CDKAL1: variants seen among roughly 807,000 people sequenced by gnomAD.
CDKAL1 encodes the protein threonylcarbamoyladenosine tRNA methylthiotransferase.
A neutral mutation model predicts 68.2 loss-of-function variants in CDKAL1; 32 were observed. The observed-to-expected ratio is 0.47, with a 90% CI of 0.35 to 0.63. The LOEUF (loss-of-function observed/expected upper bound fraction) is 0.63. Ranked by LOEUF, CDKAL1 falls within the 30% of genes least tolerant of loss-of-function variation. The pLI is 0.00. For missense variants in CDKAL1, 606 were observed against 696.7 expected, an observed-to-expected ratio of 0.87 and a Z score of 1.47; for synonymous variants, 234 against 244.3, an observed-to-expected ratio of 0.96 and a Z score of 0.39.
intron 13 of CDKAL1, among the ~76,000 whole-genome samples, chr6:21,167,733 C>T (rs1777209586): frequency 1.3e-5 from 2 of 152,192 alleles, no homozygotes; most frequent in Non-Finnish European, 2.9e-5. Flanking sequence ...AGTACCTTGT[C>T]TAAGACATTC....
intron 9 of CDKAL1, among the ~76,000 whole-genome samples, chr6:20,899,718 C>T (rs1761871514): frequency 1.3e-5 from 2 of 152,106 alleles, no homozygotes; most frequent in Non-Finnish European, 2.9e-5. Flanking sequence ...TGGCCCATGC[C>T]TATAATCCCA....
intron 5 of CDKAL1, among the ~76,000 whole-genome samples, chr6:20,710,639 A>G (rs1479802470): frequency 6.6e-6 from 1 of 152,236 alleles, no homozygotes; most frequent in African/African-American, 2.4e-5. Context: ...TTATTTAAAT[A>G]AAATGAAATC....
At chr6:20,901,630 G>A (rs1306954091) in intron 9 of CDKAL1, among the ~76,000 whole-genome samples, 5 of 136,880 alleles carry the variant, frequency 3.7e-5, no homozygotes, top group East Asian at 4.7e-4. Flanking sequence ...GCAGTGAGCC[G>A]AGATTGCGCC....
intron 5 of CDKAL1, among the ~76,000 whole-genome samples, chr6:20,734,155 A>G (rs1773081342): frequency 6.6e-6 from 1 of 151,754 alleles, no homozygotes; most frequent in Non-Finnish European, 1.5e-5. Context: ...TCTTGAAAAA[A>G]AAAAAAAAAA....
In CDKAL1 at chr6:20,714,378, C is replaced by CTT. The variant is rs545162371; in HGVS notation, c.372-25114_372-25113dup. 1.5e-3 allele frequency among the ~76,000 whole-genome samples: 112 copies of CTT among 72,738 alleles called. 10 individuals carry two copies. Among genetic ancestry groups the CTT allele is most frequent in the Non-Finnish European group, 1.8e-3 (63 of 34,778 alleles). The allele number at this position is 72,738 out of a possible 152,430, so 47.7% of individuals were successfully genotyped here. A position where few individuals can be genotyped will look rare whatever the true frequency, so the allele number is the denominator to read the frequency against. On this transcript the variant is annotated intron_variant, in intron 5 of 15. Coordinates refer to ENST00000274695, the MANE Select transcript of CDKAL1 (RefSeq NM_017774.3). ...AATATTAATGATACTATTGTCTGTT[C>CTT]TTTTTTTTTTTTTTTTTTTTTTTTT... is the stretch of plus-strand genomic sequence containing the variant.
At chr6:20,742,429 A>G (rs578259970) in intron 6 of CDKAL1, among the ~76,000 whole-genome samples, 5 of 150,044 alleles carry the variant, frequency 3.3e-5, no homozygotes, top group East Asian at 2.0e-4. Context: ...TTCTATCGCC[A>G]TAATGCATTT....
chr6:21,095,168 G>A (rs1384602372), intron 12 of CDKAL1, among the ~76,000 whole-genome samples: 15 of 152,216 alleles, frequency 9.9e-5, no homozygotes, highest in Non-Finnish European at 8.8e-5. Flanking sequence ...GCAGTATCCC[G>A]AGGCTGAGTG....
At chr6:21,125,193 T>C (rs1774936169) in intron 13 of CDKAL1, among the ~76,000 whole-genome samples, 2 of 152,220 alleles carry the variant, frequency 1.3e-5, no homozygotes, top group African/African-American at 2.4e-5. Flanking sequence ...TCCCCTGTGC[T>C]ATTCTCATGA....
At chr6:20,674,608 T>C (rs77303799) in intron 5 of CDKAL1, among the ~76,000 whole-genome samples, 14,082 of 152,230 alleles carry the variant, frequency 0.093, 2,093 homozygotes, top group African/African-American at 0.31. Context: ...TCCTCTCTTC[T>C]AGCTATTTTA....
chr6:21,116,544 G>A, intron 13 of CDKAL1, among the ~76,000 whole-genome samples: 1 of 152,128 alleles, frequency 6.6e-6, no homozygotes, highest in Non-Finnish European at 1.5e-5. Context: ...GAAGAGATAG[G>A]ATGCCATCCT....
At chr6:20,941,212 A>G (rs1347435981) in intron 9 of CDKAL1, among the ~76,000 whole-genome samples, 2 of 151,444 alleles carry the variant, frequency 1.3e-5, no homozygotes, top group Non-Finnish European at 2.9e-5. Context: ...AATGCATCTC[A>G]TGTTATTTAC....
At chr6:21,094,126 C>T in intron 12 of CDKAL1, among the ~76,000 whole-genome samples, 1 of 151,876 alleles carries the variant, frequency 6.6e-6, no homozygotes, top group East Asian at 1.9e-4. Context: ...ATCTGAATAG[C>T]ATGTGTATGA....
chr6:20,812,209 G>T (rs1007330812), intron 8 of CDKAL1, among the ~76,000 whole-genome samples: 1 of 152,150 alleles, frequency 6.6e-6, no homozygotes, highest in Non-Finnish European at 1.5e-5. Context: ...ATTAAAAAAT[G>T]AATTGGTTCT....
intron 9 of CDKAL1, among the ~76,000 whole-genome samples, chr6:20,863,034 A>T (rs1288293806): frequency 6.6e-6 from 1 of 152,214 alleles, no homozygotes; most frequent in Non-Finnish European, 1.5e-5. Flanking sequence ...TTCAATAAAA[A>T]AAAGAAGAGG....
chr6:20,992,146 G>A (rs1351519321), intron 10 of CDKAL1, among the ~76,000 whole-genome samples: 1 of 146,288 alleles, frequency 6.8e-6, no homozygotes, highest in Non-Finnish European at 1.5e-5. Flanking sequence ...TTGTGCCTCA[G>A]CCTCCTAAAT....
chr6:21,229,618 T>TTCCTG (rs905177328), intron 15 of CDKAL1, among the ~76,000 whole-genome samples: 1 of 152,170 alleles, frequency 6.6e-6, no homozygotes, highest in Non-Finnish European at 1.5e-5. Context: ...TTCTGTGGAT[T>TTCCTG]TCCTGTCCTG....
In CDKAL1 at chr6:20,931,726, CATTA is replaced by C. The variant is rs537535955; in HGVS notation, c.743-23689_743-23686del. 1.2e-3 allele frequency among the ~76,000 whole-genome samples: 182 copies of C among 152,238 alleles called. 1 individual carries two copies. Among genetic ancestry groups the C allele is most frequent in the African/African-American group, 4.0e-3 (168 of 41,546 alleles). ...TCATGCCTTTCCTTCCTTTAGCAAA[CATTA>C]ATTGAGAACTTATTATGTGCTGTAG... On this transcript the variant is annotated intron_variant, in intron 9 of 15. Transcript: ENST00000274695.
At chr6:20,818,506 C>A (rs1474294276) in intron 8 of CDKAL1, among the ~76,000 whole-genome samples, 1 of 151,810 alleles carries the variant, frequency 6.6e-6, no homozygotes, top group Non-Finnish European at 1.5e-5. Context: ...TCAATTACTT[C>A]AAAAATAAAT....
Position 20,794,902 on chromosome 6 carries a change from T to C in CDKAL1, c.638+13637T>C, listed in dbSNP as rs541206019. 5.9e-5 allele frequency among the ~76,000 whole-genome samples: 9 copies of C among 152,240 alleles called. No homozygotes were observed. The South Asian group carries it at 6.2e-4, about 11-fold the overall frequency. On this transcript the variant is annotated intron_variant, in intron 8 of 15. Transcript: ENST00000274695. ...AAATGATATTTGATGTTAGTTTGTA[T>C]TGAAATATATGTAGGTCAAAATACC... is the stretch of plus-strand genomic sequence containing the variant.
Sources: gnomAD v4.1 joint callset for allele counts (sites outside exome capture counted in the v4.1 genomes callset) on GRCh38, gnomAD v4.1.1 for gene constraint, MANE v1.5 for transcripts, NCBI Gene and HGNC (gene_info 2026-07-23, HGNC 2026-07-21) for gene names.